The following PRORP variants were observed in gnomAD, a reference collection of about 807,000 sequenced individuals.
PRORP encodes protein only RNase P catalytic subunit.
Under a neutral mutation model 59.4 loss-of-function variants are expected in PRORP, and 51 were observed. The observed-to-expected ratio is 0.86, with a 90% CI of 0.69 to 1.08. The LOEUF (loss-of-function observed/expected upper bound fraction) is 1.08, where lower values mean the gene tolerates loss of function less well. PRORP is among the 50% of genes least tolerant of loss of function. The pLI is 0.00. For synonymous variants in PRORP, 231 were observed against 245.6 expected (o/e 0.94, Z 0.55); for missense variants, 646 against 690.3 (o/e 0.94, Z 0.72).
intron 4 of PRORP, among the ~76,000 whole-genome samples, chr14:35,135,666 G>A (rs1394318060): frequency 6.6e-6 from 1 of 152,028 alleles, no homozygotes; most frequent in Non-Finnish European, 1.5e-5. Context: ...AGCCATTAAC[G>A]TGTTTTAAGC....
intron 5 of PRORP, among the ~76,000 whole-genome samples, chr14:35,203,529 AAAAATT>A (rs1179685520): frequency 1.3e-5 from 2 of 152,174 alleles, no homozygotes; most frequent in Non-Finnish European, 2.9e-5. Context: ...CCTGTCTCAA[AAAAATT>A]AAAATTAAAT....
intron 5 of PRORP, among the ~76,000 whole-genome samples, chr14:35,233,710 C>CA (rs1566514563): frequency 2.0e-5 from 3 of 150,792 alleles, no homozygotes. Context: ...TTTTCGTTTC[C>CA]TTTTTTTTTC....
In PRORP at chr14:35,140,475, C is replaced by T. The variant is rs182411383; in HGVS notation, c.1167+12864C>T. On this transcript the variant is annotated intron_variant, in intron 4 of 7. Transcript: ENST00000534898. ...GAGCATCTTTTTATATGCTTAATTGCCATCCATATATCTTTGGTATAATAT... is the reference window on the plus strand; with the variant it reads ...GAGCATCTTTTTATATGCTTAATTGTCATCCATATATCTTTGGTATAATAT... 1.8e-3 allele frequency among the ~76,000 whole-genome samples: 257 copies of T among 145,558 alleles called. 9 individuals carry two copies. The highest frequency in any genetic ancestry group is 6.1e-3 in the African/African-American group (249 of 41,086).
At chr14:35,221,614 T>G (rs1039813070) in intron 5 of PRORP, among the ~76,000 whole-genome samples, 3 of 152,198 alleles carry the variant, frequency 2.0e-5, no homozygotes, top group African/African-American at 7.2e-5. Context: ...ACAAAATCTA[T>G]GCTTGGCCAG....
chr14:35,274,678 T>G lies in PRORP; in HGVS notation c.*1112T>G, dbSNP rs2051273069. 1 of 152,176 alleles carries G rather than the reference T, an allele frequency of 6.6e-6. No homozygotes were observed. The highest frequency in any genetic ancestry group is 1.9e-4 in the East Asian group (1 of 5,194). The allele number at this position is 152,176 out of a possible 1,614,324, so 9.4% of individuals were successfully genotyped here. A position where few individuals can be genotyped will look rare whatever the true frequency, so the allele number is the denominator to read the frequency against. The stretch of plus-strand genomic sequence containing the variant: ...AAAACAAAGTGCTGGAATTGCAGAC[T>G]TGAGCCACAGTGCCCAGCCTCACTT... On this transcript the variant is annotated 3_prime_UTR_variant, in exon 8 of 8. Coordinates refer to ENST00000534898, the MANE Select transcript of PRORP (RefSeq NM_014672.4).
At chr14:35,133,835 T>C (rs1447680858) in intron 4 of PRORP, among the ~76,000 whole-genome samples, 1 of 152,154 alleles carries the variant, frequency 6.6e-6, no homozygotes, top group Admixed American at 6.5e-5. Context: ...AAACAAACAG[T>C]CTCTCCCTCT....
chr14:35,268,173 C>G (rs1164372439), intron 6 of PRORP, among the ~76,000 whole-genome samples: 1 of 151,808 alleles, frequency 6.6e-6, no homozygotes, highest in Non-Finnish European at 1.5e-5. Context: ...CATAGTGAAC[C>G]CCATCTCTAC....
chr14:35,188,961 A>AAAAAAGAAAG lies in PRORP; in HGVS notation c.1275+8187_1275+8188insAAGAAAGAAA, dbSNP rs1555326788. On this transcript the variant is annotated intron_variant, in intron 5 of 7. Coordinates refer to ENST00000534898, the MANE Select transcript of PRORP (RefSeq NM_014672.4). ...CTGTCTAAAAAAAAAAAAAAAAAAA[A>AAAAAAGAAAG]AAAGTATTGCCTAATCCAAGGTCAT... 5.0e-4 allele frequency among the ~76,000 whole-genome samples: 67 copies of AAAAAAGAAAG among 132,766 alleles called. 1 individual carries two copies. Among genetic ancestry groups the AAAAAAGAAAG allele is most frequent in the African/African-American group, 1.1e-3 (38 of 35,120 alleles). 87.1% of individuals were successfully genotyped at this position (132,766 alleles called of 152,430 possible).
At chr14:35,148,339 T>G (rs998143591) in intron 4 of PRORP, among the ~76,000 whole-genome samples, 8 of 152,240 alleles carry the variant, frequency 5.3e-5, no homozygotes, top group Admixed American at 4.6e-4. Context: ...TGAAAACAAC[T>G]TTCATCTCCT....
rs1208848870 is a variant in PRORP, at chr14:35,127,469, A to G, written c.1035-10A>G. On this transcript the variant is annotated splice_polypyrimidine_tract_variant and intron_variant, in intron 3 of 7. Transcript: ENST00000534898. Reference sequence around the variant, plus strand: ...ATTTAAATATTATTATTTAACAATTATAATTACAGTGGCCAGTGTTCGGGC... The same window carrying G: ...ATTTAAATATTATTATTTAACAATTGTAATTACAGTGGCCAGTGTTCGGGC... 6.5e-7 allele frequency: 1 copy of G among 1,534,802 alleles called. No homozygotes were observed. The highest frequency in any genetic ancestry group is 1.4e-5 in the African/African-American group (1 of 70,632).
At chr14:35,187,428 G>GTTTTTTTTTTTT (rs34808330) in intron 5 of PRORP, among the ~76,000 whole-genome samples, 1 of 138,980 alleles carries the variant, frequency 7.2e-6, no homozygotes. Context: ...TAGTTTCTTT[G>GTTTTTTTTTTTT]TTTTTTTTTT....
At chr14:35,194,748 A>G (rs990196251) in intron 5 of PRORP, among the ~76,000 whole-genome samples, 3 of 152,158 alleles carry the variant, frequency 2.0e-5, no homozygotes, top group Admixed American at 2.0e-4. Flanking sequence ...CTTCCAGCAA[A>G]CAGCTCAGTA....
intron 4 of PRORP, among the ~76,000 whole-genome samples, chr14:35,148,871 T>C (rs1043060454): frequency 6.6e-6 from 1 of 151,194 alleles, no homozygotes; most frequent in Admixed American, 6.6e-5. Context: ...CACCAGTCTG[T>C]GCCCATAACC....
In PRORP at chr14:35,263,693, A is replaced by T. The variant is rs113650851; in HGVS notation, c.1276-3034A>T. On this transcript the variant is annotated intron_variant, in intron 5 of 7. Coordinates refer to ENST00000534898, the MANE Select transcript of PRORP (RefSeq NM_014672.4). ...ACAGAGCAAGACTCTGTCTCAAAAA[A>T]AATAATAATAATAATATTGGGTACT... Among the ~76,000 whole-genome samples the T allele has an allele frequency of 2.0e-3, 297 of 152,176 alleles. 2 individuals carry two copies. Among genetic ancestry groups the T allele is most frequent in the African/African-American group, 6.0e-3 (250 of 41,494 alleles).
chr14:35,177,343 G>A (rs1174804932), intron 4 of PRORP, among the ~76,000 whole-genome samples: 2 of 152,142 alleles, frequency 1.3e-5, no homozygotes, highest in Non-Finnish European at 2.9e-5. Context: ...TGTACCTCTG[G>A]TAGAATTTGG....
At position 35,228,934 on chromosome 14, in the gene PRORP, T is replaced by G. The variant is rs116705644; in HGVS notation, c.1276-37793T>G. On this transcript the variant is annotated intron_variant, in intron 5 of 7. Transcript: ENST00000534898. Reference sequence around the variant, plus strand: ...CCACCAACAGTGTATGAGCCTTCCCTTTTCTCCACAGCCTTGCCAGCATCT... The same window carrying G: ...CCACCAACAGTGTATGAGCCTTCCCGTTTCTCCACAGCCTTGCCAGCATCT... 7.1e-3 allele frequency among the ~76,000 whole-genome samples: 1,082 copies of G among 152,310 alleles called. 18 individuals are homozygous for G. Among genetic ancestry groups the G allele is most frequent in the African/African-American group, 0.025 (1,034 of 41,564 alleles).
intron 5 of PRORP, among the ~76,000 whole-genome samples, chr14:35,223,718 C>T (rs563770004): frequency 1.3e-5 from 2 of 152,292 alleles, no homozygotes; most frequent in African/African-American, 4.8e-5. Flanking sequence ...CTCAGCCTCC[C>T]AAAGTGCTGG....
intron 4 of PRORP, among the ~76,000 whole-genome samples, chr14:35,136,725 A>G (rs1486829737): frequency 1.4e-5 from 2 of 145,206 alleles, no homozygotes; most frequent in African/African-American, 4.9e-5. Context: ...GTTCCAGCTT[A>G]CAGGGGAGAG....
chr14:35,141,258 T>A (rs2047474649), intron 4 of PRORP, among the ~76,000 whole-genome samples: 1 of 143,716 alleles, frequency 7.0e-6, no homozygotes, highest in African/African-American at 2.5e-5. Context: ...TGTTTTTGTT[T>A]GTTTGTTTTG....
Sources: allele counts gnomAD v4.1 joint callset (sites outside exome capture counted in the v4.1 genomes callset), GRCh38; gene constraint gnomAD v4.1.1; transcripts MANE v1.5; gene names NCBI Gene and HGNC (gene_info 2026-07-23, HGNC 2026-07-21).